The following DYRK4 variants were observed in gnomAD, a reference collection of about 807,000 sequenced individuals.
The protein encoded by DYRK4 is dual specificity tyrosine-phosphorylation-regulated kinase 4.
DYRK4 carries 64 observed loss-of-function variants against 68.3 expected under a neutral mutation model. The ratio of observed to expected loss-of-function variants is 0.94; its 90% CI spans 0.77 to 1.15. The LOEUF is 1.15. DYRK4 is among the 50% of genes most tolerant of loss of function. The pLI, the probability that DYRK4 is intolerant of heterozygous loss-of-function variation, is 0.00. For missense variants in DYRK4, 740 were observed against 764.7 expected (o/e 0.97, Z 0.38); for synonymous variants, 274 against 289.9 (o/e 0.95, Z 0.56).
chr12:4,572,133 C>A (rs894247387), intron 2 of DYRK4, among the ~76,000 whole-genome samples: 9 of 152,276 alleles, frequency 5.9e-5, no homozygotes, highest in African/African-American at 2.2e-4. Flanking sequence ...TGACTAAATG[C>A]TGAGAATGGT....
Position 4,596,657 on chromosome 12 carries a change from C to G in DYRK4, c.833C>G (p.Thr278Ser). Residue 278 changes from threonine (T) to serine (S), a missense_variant, in exon 8 of 15, where the codon ACC becomes AGC. By Grantham distance (58) the Thr-to-Ser change is moderately conservative (BLOSUM62 1). This residue lies in a region of DYRK4 where 614 missense variants were observed against 603.7 expected (regional missense o/e 1.02). Coordinates refer to ENST00000543431, the MANE Select transcript of DYRK4 (RefSeq NM_001394779.1). Reference protein sequence around the residue: ...EALRKKDKDNTYNVVHMKDFF... With the variant: ...EALRKKDKDNSYNVVHMKDFF... ...CTCAGAAAGAAGGACAAAGACAACA[C>G]CTACAATGTGGTGCATATGAAGGAC... is the stretch of plus-strand genomic sequence containing the variant. The G allele has an allele frequency of 1.9e-6, 3 of 1,614,222 alleles. No individual in the cohort carries two copies. Among genetic ancestry groups the G allele is most frequent in the Non-Finnish European group, 2.5e-6 (3 of 1,180,036 alleles).
At chr12:4,583,942 GC>G (rs1944868817) in intron 2 of DYRK4, among the ~76,000 whole-genome samples, 1 of 152,166 alleles carries the variant, frequency 6.6e-6, no homozygotes, top group Non-Finnish European at 1.5e-5. Context: ...CTGTGGGACC[GC>G]CCCGCCCGAT....
chr12:4,571,370 C>T (rs889921053), intron 2 of DYRK4, among the ~76,000 whole-genome samples: 1 of 152,196 alleles, frequency 6.6e-6, no homozygotes, highest in African/African-American at 2.4e-5. Flanking sequence ...AGAGGCGTTC[C>T]TTCCCCACCA....
At chr12:4,568,613 C>T (rs34434818) in intron 2 of DYRK4, among the ~76,000 whole-genome samples, 5,947 of 152,066 alleles carry the variant, frequency 0.039, 151 homozygotes, top group African/African-American at 0.068. Flanking sequence ...CTCGAACTCC[C>T]GACCTCAAGT....
chr12:4,575,083 A>G lies in DYRK4; in HGVS notation c.132+7035A>G, dbSNP rs568942368. On this transcript the variant is annotated intron_variant, in intron 2 of 14. Coordinates refer to ENST00000543431, the MANE Select transcript of DYRK4 (RefSeq NM_001394779.1). ...TGTGCACGTTTCTTAGTGTGTCTGTATAGGCATTTCTAAGATGTATTCCCA... is the reference window on the plus strand; with the variant it reads ...TGTGCACGTTTCTTAGTGTGTCTGTGTAGGCATTTCTAAGATGTATTCCCA... Among the ~76,000 whole-genome samples the G allele has an allele frequency of 3.3e-5, 5 of 152,314 alleles. No individual in the cohort carries two copies. In the East Asian group the frequency reaches 7.7e-4, roughly 24 times the overall value.
At position 4,613,754 on chromosome 12, in the gene DYRK4, C is replaced by T. The variant is rs764951031; in HGVS notation, c.*1C>T. On this transcript the variant is annotated 3_prime_UTR_variant, in exon 15 of 15. Coordinates refer to ENST00000543431, the MANE Select transcript of DYRK4 (RefSeq NM_001394779.1). This position sits in a 1 kb window ranked among gnomAD's most constrained non-coding sequence, Gnocchi z 4.0. ...AAACGTTTTACCCCCTATTGTATGA[C>T]CTTTGCTGAGGGTATGTCCTGCTCC... 12 of 1,546,388 alleles carry T rather than the reference C, an allele frequency of 7.8e-6. No individual in the cohort carries two copies. Among genetic ancestry groups the T allele is most frequent in the Non-Finnish European group, 1.1e-5 (12 of 1,138,978 alleles).
At chr12:4,564,820 A>AT (rs1005233693) in intron 1 of DYRK4, among the ~76,000 whole-genome samples, 4 of 152,180 alleles carry the variant, frequency 2.6e-5, no homozygotes, top group Admixed American at 1.3e-4. Flanking sequence ...CCCAAAAGGA[A>AT]TTTTTTAAAA....
intron 2 of DYRK4, among the ~76,000 whole-genome samples, chr12:4,586,451 C>G (rs1944897386): frequency 6.6e-6 from 1 of 152,188 alleles, no homozygotes; most frequent in Non-Finnish European, 1.5e-5. Flanking sequence ...AAAATCCTGT[C>G]TTGCAGCTGT....
chr12:4,596,764 G>C, intron 8 of DYRK4, 35 bp downstream of exon 8: 1 of 1,609,990 alleles, frequency 6.2e-7, no homozygotes, highest in Non-Finnish European at 8.5e-7. Flanking sequence ...CATTTTCTCT[G>C]GAAAAGTTAC....
In DYRK4 at chr12:4,596,582, A is replaced by G. The variant is rs749007390; in HGVS notation, c.765-7A>G. Reference sequence around the variant, plus strand: ...CCCACCCTGCCGGCCACTCCCAATCACCTTAGGTTTCACCAGCAGGCCCTG... The same window carrying G: ...CCCACCCTGCCGGCCACTCCCAATCGCCTTAGGTTTCACCAGCAGGCCCTG... On this transcript the variant is annotated splice_region_variant and splice_polypyrimidine_tract_variant and intron_variant, in intron 7 of 14. Coordinates refer to ENST00000543431, the MANE Select transcript of DYRK4 (RefSeq NM_001394779.1). The G allele has an allele frequency of 5.0e-6, 8 of 1,611,082 alleles. No individual in the cohort carries two copies. The highest frequency in any genetic ancestry group is 1.7e-5 in the Admixed American group (1 of 59,106).
At chr12:4,580,375 C>T (rs766368261) in intron 2 of DYRK4, among the ~76,000 whole-genome samples, 3 of 152,160 alleles carry the variant, frequency 2.0e-5, no homozygotes, top group Admixed American at 6.5e-5. Flanking sequence ...GATTTGGAGG[C>T]GGCTCCTCCC....
chr12:4,596,271 C>A lies in DYRK4; in HGVS notation c.750C>A (p.Ile250=). The stretch of plus-strand genomic sequence containing the variant: ...ATGAGCTGGTGGCCCTGAAAATCAT[C>A]AGGAACAAGAAGAGGTGTGGCTTGG... ...KNNELVALKI[I]RNKKRFHQQA... The change falls in exon 7 of 15, where the codon ATC becomes ATA. Residue 250 remains isoleucine, a synonymous_variant. Transcript: ENST00000543431. The A allele has an allele frequency of 1.2e-6, 2 of 1,614,190 alleles. No individual in the cohort carries two copies. Among genetic ancestry groups the A allele is most frequent in the Non-Finnish European group, 1.7e-6 (2 of 1,180,032 alleles).
intron 7 of DYRK4, 73 bp downstream of exon 7, chr12:4,596,358 TC>T: frequency 6.3e-7 from 1 of 1,597,264 alleles, no homozygotes; most frequent in South Asian, 1.1e-5. Flanking sequence ...TGCCAGCCCT[TC>T]CTGACTGTGC....
intron 10 of DYRK4, chr12:4,602,025 G>T (rs1945087376): frequency 2.9e-6 from 1 of 343,548 alleles, no homozygotes. Context: ...TTTTCACAAG[G>T]CCTCTTAGAA....
At chr12:4,594,808 C>A (rs1009426470) in intron 6 of DYRK4, among the ~76,000 whole-genome samples, 22 of 151,794 alleles carry the variant, frequency 1.4e-4, no homozygotes, top group Admixed American at 1.1e-3. Context: ...AGTACACACA[C>A]AAATACATAC....
chr12:4,612,827 A>C (rs1945240121), intron 14 of DYRK4, 109 bp downstream of exon 14: 3 of 1,213,518 alleles, frequency 2.5e-6, no homozygotes, highest in Non-Finnish European at 3.5e-6. Context: ...TGTAGTCTGG[A>C]AATTAAAATC....
At chr12:4,571,609 TTATTTA>T (rs1051581155) in intron 2 of DYRK4, among the ~76,000 whole-genome samples, 4 of 152,236 alleles carry the variant, frequency 2.6e-5, no homozygotes, top group African/African-American at 9.6e-5. Context: ...GTATTTTATT[TTATTTA>T]TATCGTATTG....
rs564916249 is a variant in DYRK4, at chr12:4,568,950, T to A, written c.132+902T>A. Among the ~76,000 whole-genome samples the A allele has an allele frequency of 2.6e-5, 4 of 152,378 alleles. No homozygotes were observed. In the East Asian group the frequency reaches 7.7e-4, roughly 29 times the overall value. On this transcript the variant is annotated intron_variant, in intron 2 of 14. Transcript: ENST00000543431. The stretch of plus-strand genomic sequence containing the variant: ...AACTTCAGCCCAAAGCATTCAGGTT[T>A]GACTTCTGAATCCTGCCTGCATCAC...
At chr12:4,600,391 C>T (rs926718146) in intron 10 of DYRK4, among the ~76,000 whole-genome samples, 7 of 151,650 alleles carry the variant, frequency 4.6e-5, no homozygotes, top group Non-Finnish European at 1.0e-4. Context: ...AGTGAACATT[C>T]CCTGTCCTCA....
Sources: gnomAD v4.1 joint callset for allele counts (sites outside exome capture counted in the v4.1 genomes callset) on GRCh38, gnomAD v4.1.1 for gene constraint, gnomAD v4.1.1 regional missense constraint, Gnocchi (gnomAD v3.1) non-coding constraint, MANE v1.5 for transcripts, NCBI Gene and HGNC (gene_info 2026-07-23, HGNC 2026-07-21) for gene names.